Variants in SH3GL2 observed in about 807,000 individuals in gnomAD.
SH3GL2 encodes the protein endophilin-A1.
A neutral mutation model predicts 46.0 loss-of-function variants in SH3GL2; 24 were observed. The observed-to-expected ratio is 0.52, with a 90% CI of 0.38 to 0.73. The LOEUF is 0.73. Among genes scored for constraint, SH3GL2 ranks in the 30% least tolerant of loss-of-function variants. The probability of loss-of-function intolerance (pLI) is 0.00; values close to 1 mark genes in which losing one functional copy is unlikely to be tolerated. For synonymous variants in SH3GL2, 196 were observed against 147.1 expected (o/e 1.33, Z -2.40); for missense variants, 413 against 424.2 (o/e 0.97, Z 0.23).
intron 1 of SH3GL2, among the ~76,000 whole-genome samples, chr9:17,603,330 TG>T (rs1384783531): frequency 6.6e-6 from 1 of 152,154 alleles, no homozygotes; most frequent in Non-Finnish European, 1.5e-5. Context: ...TCCTGCCACA[TG>T]CTACACCATG....
At chr9:17,596,372 C>T (rs1382385959) in intron 1 of SH3GL2, among the ~76,000 whole-genome samples, 4 of 151,958 alleles carry the variant, frequency 2.6e-5, no homozygotes, top group Admixed American at 2.6e-4. Flanking sequence ...TAAGTCTTAT[C>T]CCTAGTGTCA....
intron 1 of SH3GL2, among the ~76,000 whole-genome samples, chr9:17,593,417 A>G (rs1818519677): frequency 6.6e-6 from 1 of 151,758 alleles, no homozygotes; most frequent in Non-Finnish European, 1.5e-5. Flanking sequence ...AATCATCTGC[A>G]GAATGGGTTG....
intron 1 of SH3GL2, among the ~76,000 whole-genome samples, chr9:17,623,039 T>TCCTTTCCTTTCCTTCCCCTTCCCCTTCA (rs1563786548): frequency 1.2e-5 from 1 of 84,224 alleles, no homozygotes; most frequent in African/African-American, 6.8e-5. Flanking sequence ...TCCTTTCCTT[T>TCCTTTCCTTTCCTTCCCCTTCCCCTTCA]CCTTCCCCTT....
chr9:17,634,020 C>T (rs1484753872), intron 1 of SH3GL2, among the ~76,000 whole-genome samples: 1 of 152,154 alleles, frequency 6.6e-6, no homozygotes, highest in Non-Finnish European at 1.5e-5. Context: ...GTTGTGTATA[C>T]CTTGCATAAA....
At chr9:17,682,441 C>T (rs970170434) in intron 1 of SH3GL2, among the ~76,000 whole-genome samples, 8 of 152,052 alleles carry the variant, frequency 5.3e-5, no homozygotes, top group Admixed American at 4.6e-4. Flanking sequence ...CCATCATCCT[C>T]AGCAAACTCA....
chr9:17,733,193 CA>C (rs1336914596), intron 1 of SH3GL2, among the ~76,000 whole-genome samples: 2 of 152,126 alleles, frequency 1.3e-5, no homozygotes, highest in Non-Finnish European at 2.9e-5. Flanking sequence ...TTTGCCAAAG[CA>C]AAACGAAGTT....
At chr9:17,655,856 G>C (rs188121211) in intron 1 of SH3GL2, among the ~76,000 whole-genome samples, 1 of 152,308 alleles carries the variant, frequency 6.6e-6, no homozygotes, top group East Asian at 1.9e-4. Context: ...CCAGCCTGAT[G>C]CATTCCAAGA....
chr9:17,738,736 C>T (rs1822437938), intron 1 of SH3GL2, among the ~76,000 whole-genome samples: 1 of 150,340 alleles, frequency 6.7e-6, no homozygotes, highest in South Asian at 2.1e-4. Flanking sequence ...CTTTGCAGGT[C>T]AGGTCAGCAG....
At chr9:17,792,907 A>T (rs539503733) in intron 7 of SH3GL2, among the ~76,000 whole-genome samples, 1 of 152,322 alleles carries the variant, frequency 6.6e-6, no homozygotes, top group East Asian at 1.9e-4. Flanking sequence ...TGTCTTTTTT[A>T]AAATTGAAAA....
At chr9:17,669,387 A>C (rs980304488) in intron 1 of SH3GL2, among the ~76,000 whole-genome samples, 8 of 152,194 alleles carry the variant, frequency 5.3e-5, no homozygotes, top group African/African-American at 1.9e-4. Context: ...TCATCACTGC[A>C]AGGATCACTT....
intron 1 of SH3GL2, among the ~76,000 whole-genome samples, chr9:17,705,655 A>G (rs1330108439): frequency 2.0e-5 from 3 of 152,046 alleles, no homozygotes; most frequent in Non-Finnish European, 2.9e-5. Context: ...CTTTGCAGCA[A>G]CATGCATGGA....
chr9:17,607,847 C>T (rs1053082550), intron 1 of SH3GL2, among the ~76,000 whole-genome samples: 6 of 152,088 alleles, frequency 3.9e-5, no homozygotes, highest in African/African-American at 1.4e-4. Context: ...AATGGTATGA[C>T]ACTTGGTATC....
chr9:17,740,504 G>C (rs749387736), intron 1 of SH3GL2, among the ~76,000 whole-genome samples: 6 of 118,160 alleles, frequency 5.1e-5, no homozygotes, highest in Non-Finnish European at 6.5e-5. Context: ...TTTTTTAAAT[G>C]TTTTGGTACT....
At chr9:17,609,471 G>A (rs527309348) in intron 1 of SH3GL2, among the ~76,000 whole-genome samples, 4 of 152,036 alleles carry the variant, frequency 2.6e-5, no homozygotes, top group Non-Finnish European at 5.9e-5. Flanking sequence ...GCATGAAGTT[G>A]GCCAGATGGT....
At chr9:17,601,449 CTG>C (rs1339928032) in intron 1 of SH3GL2, among the ~76,000 whole-genome samples, 3 of 152,106 alleles carry the variant, frequency 2.0e-5, no homozygotes, top group Non-Finnish European at 4.4e-5. Flanking sequence ...GCTGGATTAA[CTG>C]TGTGTTTGTG....
chr9:17,793,477 C>G lies in SH3GL2; in HGVS notation c.839C>G (p.Thr280Arg). The G allele has an allele frequency of 6.2e-7, 1 of 1,613,240 alleles. No homozygotes were observed. Among genetic ancestry groups the G allele is most frequent in the Admixed American group, 1.7e-5 (1 of 59,860 alleles). ...CAGCCCAATGGGGGTCTCTCCCACA[C>G]AGGCACTCCCAAACCTTCAGGTAAG... ...STQPNGGLSH[T>R]GTPKPSGVQM... The change falls in exon 8 of 9, where the codon ACA becomes AGA. Residue 280 changes from threonine (T) to arginine (R), a missense_variant. Thr to Arg is a moderately conservative substitution (Grantham distance 71). This residue lies in a region of SH3GL2 where 248 missense variants were observed against 215.0 expected (regional missense o/e 1.15). Coordinates refer to ENST00000380607, the MANE Select transcript of SH3GL2 (RefSeq NM_003026.5).
chr9:17,686,560 C>T (rs1243241166), intron 1 of SH3GL2, among the ~76,000 whole-genome samples: 1 of 147,924 alleles, frequency 6.8e-6, no homozygotes, highest in Non-Finnish European at 1.5e-5. Context: ...CAATGATAGA[C>T]TGGATTGAGA....
intron 2 of SH3GL2, among the ~76,000 whole-genome samples, chr9:17,752,949 G>C (rs919692687): frequency 6.6e-6 from 1 of 152,130 alleles, no homozygotes; most frequent in Non-Finnish European, 1.5e-5. Flanking sequence ...TTATAAGTGA[G>C]AACATGTGGT....
chr9:17,597,516 C>CA (rs35443283), intron 1 of SH3GL2, among the ~76,000 whole-genome samples: 4,857 of 128,784 alleles, frequency 0.038, 142 homozygotes, highest in East Asian at 0.19. Flanking sequence ...TACTCAGTCT[C>CA]AAAAAAAAAA....
Sources: gnomAD v4.1 joint callset for allele counts (sites outside exome capture counted in the v4.1 genomes callset) on GRCh38, gnomAD v4.1.1 for gene constraint, gnomAD v4.1.1 regional missense constraint, MANE v1.5 for transcripts, NCBI Gene and HGNC (gene_info 2026-07-23, HGNC 2026-07-21) for gene names.